The following YES1 variants were observed in gnomAD, a reference collection of about 807,000 sequenced individuals.
YES1 encodes tyrosine-protein kinase Yes.
Under a neutral mutation model 70.4 loss-of-function variants are expected in YES1, and 39 were observed. That is an observed-to-expected ratio of 0.55 (90% confidence interval 0.43 to 0.72). The LOEUF (loss-of-function observed/expected upper bound fraction) is 0.72. Among genes scored for constraint, YES1 ranks in the 30% least tolerant of loss-of-function variants. The pLI, the probability that YES1 is intolerant of heterozygous loss-of-function variation, is 0.00. For synonymous variants in YES1, 198 were observed against 218.6 expected (o/e 0.91, Z 0.83); for missense variants, 495 against 644.8 (o/e 0.77, Z 2.52).
chr18:776,664 T>G (rs987438578), intron 1 of YES1, among the ~76,000 whole-genome samples: 1 of 152,196 alleles, frequency 6.6e-6, no homozygotes, highest in Admixed American at 6.5e-5. Flanking sequence ...ATTTTTTACA[T>G]GAATGAATGC....
At chr18:733,699 T>A (rs918354373) in intron 10 of YES1, among the ~76,000 whole-genome samples, 1 of 137,668 alleles carries the variant, frequency 7.3e-6, no homozygotes, top group South Asian at 2.3e-4. Flanking sequence ...AGGAGAATGG[T>A]GTGAACCCAG....
intron 1 of YES1, among the ~76,000 whole-genome samples, chr18:757,048 C>T (rs1441839619): frequency 6.6e-6 from 1 of 152,166 alleles, no homozygotes; most frequent in Non-Finnish European, 1.5e-5. Flanking sequence ...CTTCATTCTC[C>T]AACTCAATCA....
chr18:783,470 T>C (rs1479411100), intron 1 of YES1, among the ~76,000 whole-genome samples: 2 of 152,058 alleles, frequency 1.3e-5, no homozygotes. Flanking sequence ...TGCAATGTTA[T>C]AACAAAATTG....
intron 11 of YES1, among the ~76,000 whole-genome samples, 181 bp from the exon 12 acceptor site, chr18:724,813 CTA>C (rs768672415): frequency 1.3e-5 from 2 of 152,206 alleles, no homozygotes; most frequent in Non-Finnish European, 1.5e-5. Flanking sequence ...AAATGCTAAT[CTA>C]TGTTTTAACA....
chr18:796,087 A>G (rs1906530826), intron 1 of YES1, among the ~76,000 whole-genome samples: 1 of 152,222 alleles, frequency 6.6e-6, no homozygotes, highest in Admixed American at 6.5e-5. Context: ...CATAAATCTA[A>G]GTAACATTAA....
At chr18:783,043 T>A (rs1041962544) in intron 1 of YES1, among the ~76,000 whole-genome samples, 1 of 152,170 alleles carries the variant, frequency 6.6e-6, no homozygotes, top group East Asian at 1.9e-4. Flanking sequence ...GGTTAACTTT[T>A]TTTTTTTTAA....
chr18:764,283 TAC>T, intron 1 of YES1, among the ~76,000 whole-genome samples: 1 of 152,304 alleles, frequency 6.6e-6, no homozygotes, highest in Non-Finnish European at 1.5e-5. Context: ...AGCACAATGG[TAC>T]AATCCCGGCA....
At chr18:781,084 A>G (rs1447872369) in intron 1 of YES1, among the ~76,000 whole-genome samples, 2 of 152,108 alleles carry the variant, frequency 1.3e-5, no homozygotes, top group Non-Finnish European at 2.9e-5. Context: ...CCTGGCCAAC[A>G]TGGTGAAACC....
At chr18:725,547 A>G (rs1302990501) in intron 11 of YES1, among the ~76,000 whole-genome samples, 1 of 152,182 alleles carries the variant, frequency 6.6e-6, no homozygotes, top group African/African-American at 2.4e-5. Context: ...TCAATACTTA[A>G]AAGGAAGTTT....
chr18:795,339 C>T (rs1268528478), intron 1 of YES1, among the ~76,000 whole-genome samples: 2 of 152,074 alleles, frequency 1.3e-5, no homozygotes, highest in African/African-American at 4.8e-5. Context: ...CACACATACC[C>T]AAGGAGGGAA....
At chr18:765,389 T>C (rs1438564654) in intron 1 of YES1, among the ~76,000 whole-genome samples, 1 of 148,738 alleles carries the variant, frequency 6.7e-6, no homozygotes, top group South Asian at 2.1e-4. Context: ...AAGTATTTTA[T>C]AATTTAACAC....
intron 2 of YES1, among the ~76,000 whole-genome samples, chr18:753,482 C>CA (rs1361704972): frequency 2.0e-5 from 3 of 151,528 alleles, no homozygotes; most frequent in African/African-American, 7.3e-5. Context: ...CTTGTCAGAT[C>CA]AAAAAAAAAT....
chr18:740,356 A>G (rs2080203508), intron 8 of YES1, among the ~76,000 whole-genome samples: 3 of 152,238 alleles, frequency 2.0e-5, no homozygotes, highest in African/African-American at 4.8e-5. Context: ...ACACAAAACC[A>G]AATTAAGGCA....
At chr18:741,294 A>G (rs1400722048) in intron 8 of YES1, among the ~76,000 whole-genome samples, 2 of 148,676 alleles carry the variant, frequency 1.3e-5, no homozygotes, top group Non-Finnish European at 3.0e-5. Context: ...CCCAGATGGG[A>G]GTGCAGTGGC....
chr18:764,836 G>C (rs557860312), intron 1 of YES1, among the ~76,000 whole-genome samples: 6 of 151,746 alleles, frequency 4.0e-5, no homozygotes, highest in African/African-American at 1.5e-4. Flanking sequence ...GGGTTCATGC[G>C]ATTCTCCTGC....
chr18:779,729 C>T (rs919892152), intron 1 of YES1, among the ~76,000 whole-genome samples: 1 of 152,162 alleles, frequency 6.6e-6, no homozygotes, highest in Admixed American at 6.6e-5. Context: ...GATTTTCACA[C>T]CTTACTTCCA....
intron 1 of YES1, among the ~76,000 whole-genome samples, chr18:800,107 C>T (rs533179510): frequency 4.6e-5 from 7 of 152,276 alleles, no homozygotes; most frequent in East Asian, 3.9e-4. Context: ...TCATCCTGAG[C>T]GTTAATGATA....
At position 805,360 on chromosome 18, in the gene YES1, A is replaced by G. The variant is rs1907047678; in HGVS notation, c.-9+6754T>C. ...AGATACAGTAATTACACAGTATAAA[A>G]AAATAAAAAATGGTACACCTATATA... On this transcript the variant is annotated intron_variant, in intron 1 of 11. Transcript: ENST00000314574. Among the ~76,000 whole-genome samples the G allele has an allele frequency of 2.0e-5, 3 of 152,224 alleles. No homozygotes were observed. In the South Asian group the frequency reaches 6.2e-4, roughly 31 times the overall value.
chr18:764,863 GCT>G (rs1904797465), intron 1 of YES1, among the ~76,000 whole-genome samples: 1 of 151,814 alleles, frequency 6.6e-6, no homozygotes, highest in South Asian at 2.1e-4. Flanking sequence ...CTCCCGAGTA[GCT>G]GGGATTACAG....
Sources: allele counts gnomAD v4.1 joint callset (sites outside exome capture counted in the v4.1 genomes callset), GRCh38; gene constraint gnomAD v4.1.1; transcripts MANE v1.5; gene names NCBI Gene and HGNC (gene_info 2026-07-23, HGNC 2026-07-21).